DCLK1: variants seen among roughly 807,000 people sequenced by gnomAD.
DCLK1 encodes the protein doublecortin like kinase 1, also known as serine/threonine-protein kinase DCLK1.
A neutral mutation model predicts 86.2 loss-of-function variants in DCLK1; 16 were observed. That is an observed-to-expected ratio of 0.19 (90% confidence interval 0.13 to 0.28). DCLK1 has a LOEUF of 0.28. Among genes scored for constraint, DCLK1 ranks in the 10% least tolerant of loss-of-function variants. DCLK1 has a pLI of 1.00. For missense variants in DCLK1, 590 were observed against 940.2 expected (o/e 0.63, Z 4.87); for synonymous variants, 369 against 370.5 (o/e 1.00, Z 0.05).
chr13:35,901,491 CAAAAAAAAAAAA>C (rs58801666), intron 4 of DCLK1, among the ~76,000 whole-genome samples: 1 of 45,872 alleles, frequency 2.2e-5, no homozygotes, highest in Non-Finnish European at 3.4e-5. Context: ...GACTCTGTCT[CAAAAAAAAAAAA>C]AAAAAAAAAA....
intron 6 of DCLK1, chr13:35,849,442 A>G (rs1165444853): frequency 1.0e-6 from 1 of 985,264 alleles, no homozygotes; most frequent in Non-Finnish European, 1.2e-6. Context: ...AGCCTGGAGA[A>G]TATCAAAACC....
intron 6 of DCLK1, among the ~76,000 whole-genome samples, chr13:35,845,087 A>C (rs1208704657): frequency 6.6e-6 from 1 of 152,116 alleles, no homozygotes; most frequent in Admixed American, 6.6e-5. Flanking sequence ...GTCTCTACTA[A>C]AAATACAAAA....
chr13:35,859,298 G>A (rs976241578), intron 5 of DCLK1, among the ~76,000 whole-genome samples: 1 of 152,196 alleles, frequency 6.6e-6, no homozygotes, highest in African/African-American at 2.4e-5. Flanking sequence ...CCTTTACCCA[G>A]TTCTGGTCTC....
At chr13:35,982,305 A>G (rs1566631609) in intron 3 of DCLK1, among the ~76,000 whole-genome samples, 1 of 151,856 alleles carries the variant, frequency 6.6e-6, no homozygotes, top group South Asian at 2.1e-4. Flanking sequence ...ACTTGAGCCC[A>G]GGAGTTCGTG....
chr13:36,100,148 G>A (rs1885153073), intron 3 of DCLK1, among the ~76,000 whole-genome samples: 1 of 120,022 alleles, frequency 8.3e-6, no homozygotes, highest in Non-Finnish European at 1.6e-5. Flanking sequence ...TTCGAGGCCA[G>A]CCTGGACAAC....
At chr13:35,844,036 C>T (rs770636692) in intron 6 of DCLK1, among the ~76,000 whole-genome samples, 1 of 152,078 alleles carries the variant, frequency 6.6e-6, no homozygotes, top group Non-Finnish European at 1.5e-5. Flanking sequence ...GGGTATAGAA[C>T]AATAAGTTGA....
intron 3 of DCLK1, among the ~76,000 whole-genome samples, chr13:36,063,352 A>C (rs1415042148): frequency 6.6e-6 from 1 of 152,160 alleles, no homozygotes; most frequent in Admixed American, 6.5e-5. Flanking sequence ...GCCAGAGAGA[A>C]CGTGGGAACT....
rs186538292 is a variant in DCLK1, at chr13:35,957,291, C to T, written c.724-9834G>A. Among the ~76,000 whole-genome samples the T allele has an allele frequency of 2.1e-4, 32 of 152,250 alleles. 1 individual carries two copies. The highest frequency in any genetic ancestry group is 7.7e-4 in the African/African-American group (32 of 41,568). ...CATAAAATCTGTGTCAGGCAACATC[C>T]TCAGATAGAGTCAGGATTTAAAAAT... is the stretch of plus-strand genomic sequence containing the variant. On this transcript the variant is annotated intron_variant, in intron 3 of 16. Transcript: ENST00000360631.
intron 6 of DCLK1, among the ~76,000 whole-genome samples, chr13:35,851,995 A>ATATGTGTGTGTGTGTG (rs1555344391): frequency 2.8e-5 from 4 of 143,544 alleles, no homozygotes; most frequent in African/African-American, 7.6e-5. Context: ...ATGTGTGTGT[A>ATATGTGTGTGTGTGTG]TGTGTGTGTG....
At chr13:36,071,816 T>C (rs1883984385) in intron 3 of DCLK1, among the ~76,000 whole-genome samples, 1 of 152,208 alleles carries the variant, frequency 6.6e-6, no homozygotes. Flanking sequence ...TAGACTATAT[T>C]GCTTTTTGGT....
At chr13:35,888,739 A>G (rs1873452723) in intron 4 of DCLK1, among the ~76,000 whole-genome samples, 1 of 152,250 alleles carries the variant, frequency 6.6e-6, no homozygotes. Context: ...CAGCCATCAA[A>G]CAAATCAGTC....
chr13:35,985,812 A>G (rs1008761438), intron 3 of DCLK1, among the ~76,000 whole-genome samples: 16 of 152,196 alleles, frequency 1.1e-4, no homozygotes, highest in African/African-American at 3.9e-4. Flanking sequence ...AACATGAAGG[A>G]TCTATTCTAA....
At chr13:35,831,384 A>C (rs1249861247) in intron 8 of DCLK1, among the ~76,000 whole-genome samples, 1 of 152,206 alleles carries the variant, frequency 6.6e-6, no homozygotes, top group Non-Finnish European at 1.5e-5. Flanking sequence ...AGGTGTTAGG[A>C]GACTAAATGT....
Position 36,111,989 on chromosome 13 carries a change from G to A in DCLK1, c.603C>T (p.Val201=). 1 of 1,614,226 alleles carries A rather than the reference G, an allele frequency of 6.2e-7. No homozygotes were observed. The highest frequency in any genetic ancestry group is 8.5e-7 in the Non-Finnish European group (1 of 1,180,052). Residue 201 remains valine (V), a synonymous_variant, in exon 3 of 17, where the codon GTC becomes GTT. Transcript: ENST00000360631. ...CCGTTTTCTTGTTCAGCAGAATCCTGACAGCTTTCCGTGGCTTCACGCCAC... is the reference window on the plus strand; with the variant it reads ...CCGTTTTCTTGTTCAGCAGAATCCTAACAGCTTTCCGTGGCTTCACGCCAC... ...IRSGVKPRKA[V]RILLNKKTAH...
intron 5 of DCLK1, 90 bp from the exon 6 acceptor site, chr13:35,854,683 A>G (rs1870920807): frequency 2.6e-6 from 3 of 1,142,882 alleles, no homozygotes; most frequent in African/African-American, 3.1e-5. Flanking sequence ...AAACAATTAT[A>G]TAGAGAGCCA....
chr13:35,891,094 C>A (rs920932278), intron 4 of DCLK1, among the ~76,000 whole-genome samples: 5 of 151,928 alleles, frequency 3.3e-5, no homozygotes, highest in Non-Finnish European at 5.9e-5. Context: ...AGGAGACTAT[C>A]CAATATGATA....
At chr13:35,944,078 A>T (rs1407461543) in intron 4 of DCLK1, among the ~76,000 whole-genome samples, 5 of 152,180 alleles carry the variant, frequency 3.3e-5, no homozygotes, top group Non-Finnish European at 5.9e-5. Flanking sequence ...GGGAGGAAGG[A>T]GTCTCCCTGG....
At chr13:36,029,814 T>C (rs1299450365) in intron 3 of DCLK1, among the ~76,000 whole-genome samples, 8 of 152,368 alleles carry the variant, frequency 5.3e-5, no homozygotes, top group Non-Finnish European at 1.0e-4. Context: ...TGATATTTAG[T>C]GATACCTACA....
chr13:35,874,250 G>A (rs995082012), intron 4 of DCLK1, among the ~76,000 whole-genome samples: 4 of 142,394 alleles, frequency 2.8e-5, no homozygotes, highest in South Asian at 2.2e-4. Flanking sequence ...TATAAACATC[G>A]TTTCCTATTT....
Sources: gnomAD v4.1 joint callset for allele counts (sites outside exome capture counted in the v4.1 genomes callset) on GRCh38, gnomAD v4.1.1 for gene constraint, MANE v1.5 for transcripts, NCBI Gene and HGNC (gene_info 2026-07-23, HGNC 2026-07-21) for gene names.